Variants in CARS1 observed in about 807,000 individuals in gnomAD.
The protein encoded by CARS1 is cysteine--tRNA ligase, cytoplasmic.
In CARS1, 48 loss-of-function variants were observed where a neutral mutation model predicts 106.2. That is an observed-to-expected ratio of 0.45 (90% CI 0.36 to 0.57). CARS1 has a LOEUF of 0.57. Among genes scored for constraint, CARS1 ranks in the 20% least tolerant of loss-of-function variants. The pLI is 0.00. For synonymous variants in CARS1, 409 were observed against 403.4 expected, an observed-to-expected ratio of 1.01 and a Z score of -0.17; for missense variants, 968 against 1,057.2, an observed-to-expected ratio of 0.92 and a Z score of 1.17.
rs1178808013 is a variant in CARS1, at chr11:3,052,625, T to C, written c.26-4624A>G. On this transcript the variant is annotated intron_variant, in intron 1 of 22. Coordinates refer to ENST00000380525, the MANE Select transcript of CARS1 (RefSeq NM_001014437.3). This position sits in a 1 kb window ranked among gnomAD's most constrained non-coding sequence, Gnocchi z 4.6. The stretch of plus-strand genomic sequence containing the variant: ...GAACCAAGACCATGCTTGGGAAGGA[T>C]CTTCTCAGAGCAGAAAGGTGCTGGT... 1.3e-5 allele frequency among the ~76,000 whole-genome samples: 2 copies of C among 152,176 alleles called. No individual in the cohort carries two copies. Among genetic ancestry groups the C allele is most frequent in the Non-Finnish European group, 2.9e-5 (2 of 68,034 alleles).
rs1855803021 is a variant in CARS1, at chr11:3,052,533, C to A, written c.26-4532G>T. ...TTTTAAAAGTTTATTACCAAATCTG[C>A]CTTGATCTTGGATCACATAATTCTT... On this transcript the variant is annotated intron_variant, in intron 1 of 22. Transcript: ENST00000380525. This position sits in a 1 kb window ranked among gnomAD's most constrained non-coding sequence, Gnocchi z 4.6. 2.0e-5 allele frequency among the ~76,000 whole-genome samples: 3 copies of A among 152,224 alleles called. No individual in the cohort carries two copies. In the South Asian group the frequency reaches 6.2e-4, roughly 32 times the overall value.
At chr11:3,027,691 G>A (rs1189099657) in intron 9 of CARS1, 1 of 338,928 alleles carries the variant, frequency 3.0e-6, no homozygotes, top group Non-Finnish European at 6.2e-6. Context: ...GGGACATAGT[G>A]AGGAGTGACC....
chr11:3,019,043 G>A lies in CARS1; in HGVS notation c.1395+96C>T. On this transcript the variant is annotated intron_variant, in intron 12 of 22. Coordinates refer to ENST00000380525, the MANE Select transcript of CARS1 (RefSeq NM_001014437.3). The surrounding 1 kb of genome is among the most constrained non-coding windows in gnomAD (Gnocchi z 6.2). ...CCCGATGAAGGTGTCAAGTTCTAGT[G>A]AGAGAGGCCCTTCTGAGGCCTGGGC... 3.7e-6 allele frequency: 5 copies of A among 1,366,912 alleles called. No individual in the cohort carries two copies. The highest frequency in any genetic ancestry group is 4.9e-6 in the Non-Finnish European group (5 of 1,011,498). The allele number at this position is 1,366,912 out of a possible 1,614,324, so 84.7% of individuals were successfully genotyped here.
chr11:3,039,224 C>G lies in CARS1; in HGVS notation c.621G>C (p.Gln207His). The G allele has an allele frequency of 6.2e-7, 1 of 1,613,684 alleles. No homozygotes were observed. The highest frequency in any genetic ancestry group is 1.1e-5 in the South Asian group (1 of 91,052). ...QYREKRPEAAQLLEDVQAALK... is the reference protein window; with the variant it reads ...QYREKRPEAAHLLEDVQAALK... ...GGGCGGCCTGAACATCCTCCAAGAG[C>G]TGTGCCGCTTCAGGCCTCTTCTCCC... is the stretch of plus-strand genomic sequence containing the variant. The change falls in exon 6 of 23, where the codon CAG becomes CAC. Residue 207 changes from glutamine to histidine, a missense_variant. Coordinates refer to ENST00000380525, the MANE Select transcript of CARS1 (RefSeq NM_001014437.3). The surrounding 1 kb of genome is among the most constrained non-coding windows in gnomAD (Gnocchi z 5.6).
chr11:3,034,461 T>C lies in CARS1; in HGVS notation c.801+3589A>G, dbSNP rs922587577. On this transcript the variant is annotated intron_variant, in intron 7 of 22. Coordinates refer to ENST00000380525, the MANE Select transcript of CARS1 (RefSeq NM_001014437.3). This position sits in a 1 kb window ranked among gnomAD's most constrained non-coding sequence, Gnocchi z 6.3. ...GTCTCAAACCCCTGACCTCAGGTGA[T>C]CCGCCCGCCTCAGCCTCCCAAAGTG... is the stretch of plus-strand genomic sequence containing the variant. Among the ~76,000 whole-genome samples, 1 of 152,152 alleles carries C rather than the reference T, an allele frequency of 6.6e-6. No homozygotes were observed. The highest frequency in any genetic ancestry group is 1.5e-5 in the Non-Finnish European group (1 of 68,002).
intron 18 of CARS1, chr11:3,007,950 A>G (rs1199481756): frequency 6.6e-6 from 1 of 152,244 alleles, no homozygotes; most frequent in East Asian, 1.9e-4. Flanking sequence ...CTATCTCAGA[A>G]AGACTCCAGA....
rs1852354927 is a variant in CARS1 at position 3,028,521 on chromosome 11, T to G, written c.1031+475A>C. The G allele has an allele frequency of 4.4e-6, 1 of 226,580 alleles. No individual in the cohort carries two copies. Among genetic ancestry groups the G allele is most frequent in the Non-Finnish European group, 8.5e-6 (1 of 117,772 alleles). The allele number at this position is 226,580 out of a possible 1,614,324, so 14.0% of individuals were successfully genotyped here. On this transcript the variant is annotated intron_variant, in intron 9 of 22. Transcript: ENST00000380525. This position sits in a 1 kb window ranked among gnomAD's most constrained non-coding sequence, Gnocchi z 4.4. ...TGGCCATTTCTGAAAATGCTTACTTTGGAGATTGAGACAATACGGGCCAGG... is the reference window on the plus strand; with the variant it reads ...TGGCCATTTCTGAAAATGCTTACTTGGGAGATTGAGACAATACGGGCCAGG...
rs1183755215 is a variant in CARS1, at chr11:3,040,235, T to C, written c.456-304A>G. On this transcript the variant is annotated intron_variant, in intron 4 of 22. Transcript: ENST00000380525. The surrounding 1 kb of genome is among the most constrained non-coding windows in gnomAD (Gnocchi z 5.8). The stretch of plus-strand genomic sequence containing the variant: ...CATTAGGAATACAGTATGTAATGTA[T>C]ATACAAAATATGTGTTCATTGACTG... 7 of 388,984 alleles carry C rather than the reference T, an allele frequency of 1.8e-5. No individual in the cohort carries two copies. Among genetic ancestry groups the C allele is most frequent in the Non-Finnish European group, 1.9e-5 (4 of 211,708 alleles). 24.1% of individuals were successfully genotyped at this position (388,984 alleles called of 1,614,324 possible). A position where few individuals can be genotyped will look rare whatever the true frequency, so the allele number is the denominator to read the frequency against.
chr11:3,042,313 C>T (rs774290835), intron 2 of CARS1, 57 bp from the exon 3 acceptor site: 62 of 1,306,614 alleles, frequency 4.7e-5, no homozygotes, highest in African/African-American at 1.6e-4. Flanking sequence ...AAGTGCAAGT[C>T]GCCTCTTCAC....
At chr11:3,025,509 T>C (rs566608558) in intron 10 of CARS1, among the ~76,000 whole-genome samples, 9 of 152,244 alleles carry the variant, frequency 5.9e-5, no homozygotes, top group Non-Finnish European at 1.2e-4. Flanking sequence ...ATTATAGGCG[T>C]GAGCCACCGC....
intron 7 of CARS1, among the ~76,000 whole-genome samples, chr11:3,031,950 C>A (rs1338196449): frequency 6.6e-6 from 1 of 151,004 alleles, no homozygotes; most frequent in Non-Finnish European, 1.5e-5. Flanking sequence ...AGGAAGCATT[C>A]CAAAATATAC....
At position 3,041,080 on chromosome 11, in the gene CARS1, G is replaced by A; in HGVS notation, c.367-96C>T. 1 of 1,595,238 alleles carries A rather than the reference G, an allele frequency of 6.3e-7. No homozygotes were observed. The highest frequency in any genetic ancestry group is 1.1e-5 in the South Asian group (1 of 89,106). ...CAACAAACATCACAGTGTGGTTTGT[G>A]TTTAGTGTAAACAATTCAACAGAGA... is the stretch of plus-strand genomic sequence containing the variant. On this transcript the variant is annotated intron_variant, in intron 3 of 22. Coordinates refer to ENST00000380525, the MANE Select transcript of CARS1 (RefSeq NM_001014437.3). The surrounding 1 kb of genome is among the most constrained non-coding windows in gnomAD (Gnocchi z 4.9).
Position 3,043,042 on chromosome 11 carries a change from A to G in CARS1, c.275-786T>C, listed in dbSNP as rs1854687187. Among the ~76,000 whole-genome samples, 1 of 152,132 alleles carries G rather than the reference A, an allele frequency of 6.6e-6. No individual in the cohort carries two copies. The highest frequency in any genetic ancestry group is 2.4e-5 in the African/African-American group (1 of 41,420). On this transcript the variant is annotated intron_variant, in intron 2 of 22. Coordinates refer to ENST00000380525, the MANE Select transcript of CARS1 (RefSeq NM_001014437.3). The surrounding 1 kb of genome is among the most constrained non-coding windows in gnomAD (Gnocchi z 4.0). ...ATAGGTCTATACTGCCTTCATAAATAACCTGAGCTCCTCTCAGCCTCCAGG... is the reference window on the plus strand; with the variant it reads ...ATAGGTCTATACTGCCTTCATAAATGACCTGAGCTCCTCTCAGCCTCCAGG...
At position 3,019,728 on chromosome 11, in the gene CARS1, G is replaced by A. The variant is rs1851396994; in HGVS notation, c.1267-461C>T. On this transcript the variant is annotated intron_variant, in intron 11 of 22. Transcript: ENST00000380525. The surrounding 1 kb of genome is among the most constrained non-coding windows in gnomAD (Gnocchi z 6.2). The stretch of plus-strand genomic sequence containing the variant: ...GTCTCAAAAAAAAAAAAAAGACTAA[G>A]GATAGCCTTCTTTGGTGAAGTTCAT... Among the ~76,000 whole-genome samples, 1 of 151,632 alleles carries A rather than the reference G, an allele frequency of 6.6e-6. No homozygotes were observed. Among genetic ancestry groups the A allele is most frequent in the South Asian group, 2.1e-4 (1 of 4,806 alleles).
At chr11:3,023,632 C>A (rs543114073) in intron 10 of CARS1, among the ~76,000 whole-genome samples, 2 of 152,084 alleles carry the variant, frequency 1.3e-5, no homozygotes, top group African/African-American at 4.8e-5. Context: ...TGGCCTCAAG[C>A]GATCCTCCTG....
In CARS1 at chr11:3,021,176, T is replaced by C. The variant is rs1393721123; in HGVS notation, c.1154-844A>G. Among the ~76,000 whole-genome samples the C allele has an allele frequency of 1.3e-5, 2 of 152,156 alleles. No homozygotes were observed. The highest frequency in any genetic ancestry group is 4.8e-5 in the African/African-American group (2 of 41,440). ...ACTGCAGATTTCTCTCAACAATACA[T>C]GCAGGACCAATGGAAAAGATTAGCT... On this transcript the variant is annotated intron_variant, in intron 10 of 22. Transcript: ENST00000380525. This position sits in a 1 kb window ranked among gnomAD's most constrained non-coding sequence, Gnocchi z 5.3.
At position 3,037,253 on chromosome 11, in the gene CARS1, C is replaced by T. The variant is rs372683215; in HGVS notation, c.801+797G>A. 1.6e-4 allele frequency among the ~76,000 whole-genome samples: 24 copies of T among 152,334 alleles called. No individual in the cohort carries two copies. The highest frequency in any genetic ancestry group is 5.3e-4 in the African/African-American group (22 of 41,588). ...AAGTTTGGAAACAGGCGCAACGAAG[C>T]GATCTGCTGAGTCAGGACACAGAAG... is the stretch of plus-strand genomic sequence containing the variant. On this transcript the variant is annotated intron_variant, in intron 7 of 22. Coordinates refer to ENST00000380525, the MANE Select transcript of CARS1 (RefSeq NM_001014437.3). This position sits in a 1 kb window ranked among gnomAD's most constrained non-coding sequence, Gnocchi z 5.9.
intron 19 of CARS1, 96 bp from the exon 20 acceptor site, chr11:3,005,529 C>T (rs932314833): frequency 1.3e-5 from 11 of 873,740 alleles, no homozygotes; most frequent in South Asian, 6.0e-5. Context: ...CCAGACCATG[C>T]GGTGCTGCCC....
intron 13 of CARS1, 30 bp from the exon 14 acceptor site, chr11:3,018,541 C>T (rs761110823): frequency 3.7e-6 from 6 of 1,612,882 alleles, no homozygotes; most frequent in Non-Finnish European, 5.1e-6. Context: ...AGCCAACGCC[C>T]TTATTCTCCC....
Sources: gnomAD v4.1 joint callset for allele counts (sites outside exome capture counted in the v4.1 genomes callset) on GRCh38, gnomAD v4.1.1 for gene constraint, Gnocchi (gnomAD v3.1) non-coding constraint, MANE v1.5 for transcripts, NCBI Gene and HGNC (gene_info 2026-07-23, HGNC 2026-07-21) for gene names.